POTEE: variants seen among roughly 807,000 people sequenced by gnomAD.
The protein encoded by POTEE is ANKRD26-like family C member 1A.
In POTEE, 21 loss-of-function variants were observed where a neutral mutation model predicts 74.2. The ratio of observed to expected loss-of-function variants is 0.28; its 90% CI spans 0.20 to 0.41. The LOEUF (loss-of-function observed/expected upper bound fraction) is 0.41. POTEE is among the 10% of genes least tolerant of loss of function. The probability of loss-of-function intolerance (pLI) is 1.00; values close to 1 mark genes in which losing one functional copy is unlikely to be tolerated. For missense variants in POTEE, 525 were observed against 1,158.6 expected (o/e 0.45, Z 7.94); for synonymous variants, 211 against 432.8 (o/e 0.49, Z 6.36).
At chr2:131,212,982 T>G (rs1700387765) in intron 2 of POTEE, among the ~76,000 whole-genome samples, 1 of 149,496 alleles carries the variant, frequency 6.7e-6, no homozygotes, top group South Asian at 2.1e-4. Flanking sequence ...TTTTTTGAGA[T>G]GAAGTCTCGC....
intron 6 of POTEE, among the ~76,000 whole-genome samples, chr2:131,225,222 A>C (rs1316508146): frequency 6.6e-6 from 1 of 152,108 alleles, no homozygotes; most frequent in Non-Finnish European, 1.5e-5. Flanking sequence ...CAGTAAGTCT[A>C]ATAAAGCCTG....
Position 131,260,628 on chromosome 2 carries a change from G to T in POTEE, c.1779-1098G>T, listed in dbSNP as rs201189967. Among the ~76,000 whole-genome samples the T allele has an allele frequency of 4.8e-3, 712 of 148,754 alleles. 20 individuals carry two copies. In the East Asian group the frequency reaches 0.065, roughly 14 times the overall value. ...TGAACTCTCAGCTTGGTTGTAGTTG[G>T]TGTATAGTGGTGCTACTGATTGGTA... is the stretch of plus-strand genomic sequence containing the variant. On this transcript the variant is annotated intron_variant, in intron 16 of 17. Coordinates refer to ENST00000683005, the MANE Select transcript of POTEE (RefSeq NM_001083538.3).
Position 131,211,030 on chromosome 2 carries a change from T to C in POTEE, c.-342T>C, listed in dbSNP as rs1022850043. 2.0e-5 allele frequency among the ~76,000 whole-genome samples: 3 copies of C among 150,582 alleles called. No homozygotes were observed. The highest frequency in any genetic ancestry group is 4.4e-5 in the Non-Finnish European group (3 of 68,014). On this transcript the variant is annotated splice_region_variant and 5_prime_UTR_variant, in exon 2 of 18. Coordinates refer to ENST00000683005, the MANE Select transcript of POTEE (RefSeq NM_001083538.3). ...CCACTCCCTGCATCCCATTCTAGGCTTTTCTGGCTTTGCCGGTCTAGCTGC... is the reference window on the plus strand; with the variant it reads ...CCACTCCCTGCATCCCATTCTAGGCCTTTCTGGCTTTGCCGGTCTAGCTGC...
chr2:131,237,554 G>C (rs1291145076), intron 10 of POTEE, among the ~76,000 whole-genome samples: 1 of 151,716 alleles, frequency 6.6e-6, no homozygotes, highest in Non-Finnish European at 1.5e-5. Context: ...TTTATCCACT[G>C]TAATTAGTAC....
chr2:131,214,412 A>C (rs1700412253), intron 2 of POTEE, among the ~76,000 whole-genome samples: 1 of 152,274 alleles, frequency 6.6e-6, no homozygotes, highest in Admixed American at 6.5e-5. Flanking sequence ...AGAATGACTA[A>C]TTACAAAAGA....
chr2:131,226,551 A>T (rs1700785633), intron 6 of POTEE, among the ~76,000 whole-genome samples: 1 of 145,892 alleles, frequency 6.9e-6, no homozygotes, highest in Non-Finnish European at 1.5e-5. Flanking sequence ...ACCATGCCAA[A>T]TGCTGGTTTA....
intron 4 of POTEE, among the ~76,000 whole-genome samples, chr2:131,221,050 T>C (rs1375017130): frequency 1.3e-5 from 2 of 152,138 alleles, no homozygotes; most frequent in Non-Finnish European, 2.9e-5. Flanking sequence ...ACTTACGTAG[T>C]CATTTAAAGT....
In POTEE at chr2:131,264,038, C is replaced by T. The variant is rs1290731533; in HGVS notation, c.2583C>T (p.His861=). 1 of 1,614,114 alleles carries T rather than the reference C, an allele frequency of 6.2e-7. No individual in the cohort carries two copies. Among genetic ancestry groups the T allele is most frequent in the Non-Finnish European group, 8.5e-7 (1 of 1,180,054 alleles). Reference sequence around the variant, plus strand: ...TGGACTCTGGTGACGGGGTCACCCACACTGTGCCCATCTATGAGGGGAATG... The same window carrying T: ...TGGACTCTGGTGACGGGGTCACCCATACTGTGCCCATCTATGAGGGGAATG... The part of the protein sequence containing the change: ...IVMDSGDGVT[H]TVPIYEGNAL... Residue 861 remains histidine (H), a synonymous_variant, in exon 18 of 18, where the codon CAC becomes CAT. Coordinates refer to ENST00000683005, the MANE Select transcript of POTEE (RefSeq NM_001083538.3).
At chr2:131,232,927 A>T (rs1701009788) in intron 9 of POTEE, among the ~76,000 whole-genome samples, 1 of 151,956 alleles carries the variant, frequency 6.6e-6, no homozygotes, top group African/African-American at 2.4e-5. Context: ...GTAACATTTC[A>T]CTGGCTGGGT....
At chr2:131,219,684 C>G (rs1700554274) in intron 4 of POTEE, among the ~76,000 whole-genome samples, 1 of 151,216 alleles carries the variant, frequency 6.6e-6, no homozygotes, top group Non-Finnish European at 1.5e-5. Flanking sequence ...TTGCAGTGAG[C>G]AGAGATAGTG....
chr2:131,231,024 G>A, intron 9 of POTEE, 118 bp downstream of exon 9: 1 of 815,462 alleles, frequency 1.2e-6, no homozygotes, highest in Non-Finnish European at 1.9e-6. Flanking sequence ...GATGGTTTCA[G>A]GATTATTCAA....
At chr2:131,211,608 A>G (rs2105056583) in intron 2 of POTEE, among the ~76,000 whole-genome samples, 1 of 127,954 alleles carries the variant, frequency 7.8e-6, no homozygotes, top group Middle Eastern at 5.3e-3. Context: ...GCTGGAGTGC[A>G]GTGGTGCGAT....
intron 1 of POTEE, among the ~76,000 whole-genome samples, 155 bp downstream of exon 1, chr2:131,209,974 C>T (rs1401942245): frequency 1.8e-5 from 2 of 111,110 alleles, no homozygotes; most frequent in East Asian, 3.1e-4. Context: ...GCGGTTTTGG[C>T]TGGCTGTCCG....
At chr2:131,214,239 C>T (rs1220545591) in intron 2 of POTEE, among the ~76,000 whole-genome samples, 8 of 152,244 alleles carry the variant, frequency 5.3e-5, no homozygotes, top group Non-Finnish European at 8.8e-5. Context: ...TTTTGCCTTG[C>T]GTTGTCTGAC....
At chr2:131,225,703 T>C (rs1045557054) in intron 6 of POTEE, among the ~76,000 whole-genome samples, 16 of 148,166 alleles carry the variant, frequency 1.1e-4, no homozygotes, top group South Asian at 2.1e-4. Flanking sequence ...TTTTTTTTTT[T>C]CAGTAGAGAT....
chr2:131,233,958 C>T (rs1701045572), intron 9 of POTEE, among the ~76,000 whole-genome samples: 1 of 151,256 alleles, frequency 6.6e-6, no homozygotes, highest in Non-Finnish European at 1.5e-5. Context: ...TTTTTCTATG[C>T]ACGTTTAATG....
At position 131,209,671 on chromosome 2, in the gene POTEE, C is replaced by T. The variant is rs1408659448; in HGVS notation, c.-493C>T. Among the ~76,000 whole-genome samples the T allele has an allele frequency of 1.3e-5, 2 of 152,070 alleles. No homozygotes were observed. Among genetic ancestry groups the T allele is most frequent in the African/African-American group, 2.4e-5 (1 of 41,276 alleles). ...GGAGGGCAACTAGTAGCGGGAGCTT[C>T]TCCTGCCAGGCAGGAAGACGAGTAG... On this transcript the variant is annotated 5_prime_UTR_variant, in exon 1 of 18. Coordinates refer to ENST00000683005, the MANE Select transcript of POTEE (RefSeq NM_001083538.3).
chr2:131,223,156 AAAAATT>A (rs1253098090), intron 4 of POTEE, among the ~76,000 whole-genome samples: 2 of 150,434 alleles, frequency 1.3e-5, no homozygotes, highest in African/African-American at 4.9e-5. Flanking sequence ...TGGTATTAGT[AAAAATT>A]AAAATATCTA....
At chr2:131,217,775 C>T (rs1559166802) in intron 3 of POTEE, among the ~76,000 whole-genome samples, 92 bp downstream of exon 3, 4 of 70,898 alleles carry the variant, frequency 5.6e-5, no homozygotes, top group African/African-American at 1.5e-4. Flanking sequence ...ACGCGCACGC[C>T]GCACGCGCAC....
Sources: allele counts gnomAD v4.1 joint callset (sites outside exome capture counted in the v4.1 genomes callset), GRCh38; gene constraint gnomAD v4.1.1; transcripts MANE v1.5; gene names NCBI Gene and HGNC (gene_info 2026-07-23, HGNC 2026-07-21).